Variants in CDKL4 observed in about 807,000 individuals in gnomAD.
The protein encoded by CDKL4 is cyclin dependent kinase like 4, also known as cyclin-dependent kinase-like 4.
In CDKL4, 44 loss-of-function variants were observed where a neutral mutation model predicts 42.0. That is an observed-to-expected ratio of 1.05 (90% CI 0.82 to 1.35). The LOEUF is 1.35. Ranked by LOEUF, CDKL4 falls within the 40% of genes most tolerant of loss-of-function variation. The pLI, the probability that CDKL4 is intolerant of heterozygous loss-of-function variation, is 0.00. For missense variants in CDKL4, 393 were observed against 369.9 expected (o/e 1.06, Z -0.51); for synonymous variants, 120 against 121.6 (o/e 0.99, Z 0.09).
intron 2 of CDKL4, among the ~76,000 whole-genome samples, chr2:39,228,774 T>C (rs1009305043): frequency 5.3e-5 from 8 of 152,242 alleles, no homozygotes; most frequent in African/African-American, 1.9e-4. Context: ...CGGTCGCTTA[T>C]AGATCTAAAA....
intron 7 of CDKL4, among the ~76,000 whole-genome samples, chr2:39,185,618 C>A (rs1474830983): frequency 1.3e-5 from 2 of 150,930 alleles, no homozygotes; most frequent in African/African-American, 2.4e-5. Context: ...GCCCACCACA[C>A]GCCCGGCTAA....
chr2:39,212,630 C>T (rs538274263), intron 4 of CDKL4, among the ~76,000 whole-genome samples: 44 of 151,912 alleles, frequency 2.9e-4, no homozygotes, highest in African/African-American at 1.0e-3. Context: ...AAAAAAGTAC[C>T]ATGGGGGATT....
chr2:39,229,677 G>C (rs978764238), intron 1 of CDKL4, 89 bp from the exon 2 acceptor site: 1 of 516,700 alleles, frequency 1.9e-6, no homozygotes, highest in African/African-American at 2.0e-5. Flanking sequence ...ACATGCCAAA[G>C]GTTTATATTC....
At chr2:39,198,008 A>T (rs1466031572) in intron 5 of CDKL4, among the ~76,000 whole-genome samples, 1 of 152,164 alleles carries the variant, frequency 6.6e-6, no homozygotes, top group Non-Finnish European at 1.5e-5. Flanking sequence ...TTGGATGTAA[A>T]TGGCTTAAAT....
chr2:39,245,494 G>GAC (rs1679875104), upstream of CDKL4, among the ~76,000 whole-genome samples: 2 of 152,178 alleles, frequency 1.3e-5, no homozygotes, highest in African/African-American at 4.8e-5. Flanking sequence ...GTCAGTGACT[G>GAC]CAAGAACCCA....
At chr2:39,203,843 G>C in intron 5 of CDKL4, among the ~76,000 whole-genome samples, 1 of 152,156 alleles carries the variant, frequency 6.6e-6, no homozygotes, top group Non-Finnish European at 1.5e-5. Context: ...AGCAACCTCA[G>C]AAAGCCTTGA....
intron 5 of CDKL4, among the ~76,000 whole-genome samples, chr2:39,196,762 C>T (rs1038511841): frequency 2.6e-5 from 4 of 152,244 alleles, no homozygotes; most frequent in Middle Eastern, 3.4e-3. Context: ...TACGTGCTGC[C>T]ACGCCCGGCT....
Position 39,199,403 on chromosome 2 carries a change from T to A in CDKL4, c.454+5124A>T, listed in dbSNP as rs894176468. 3.3e-5 allele frequency among the ~76,000 whole-genome samples: 5 copies of A among 151,854 alleles called. 1 individual carries two copies. Among genetic ancestry groups the A allele is most frequent in the African/African-American group, 1.2e-4 (5 of 41,300 alleles). ...CAGAGAGATTCACAGCTAAATTCTA[T>A]CAGACATTCAAAGAAAAATTGGTAC... is the stretch of plus-strand genomic sequence containing the variant. On this transcript the variant is annotated intron_variant, in intron 5 of 9. Transcript: ENST00000451199.
At chr2:39,211,112 T>C (rs780602719) in intron 4 of CDKL4, among the ~76,000 whole-genome samples, 2 of 152,196 alleles carry the variant, frequency 1.3e-5, no homozygotes, top group African/African-American at 2.4e-5. Flanking sequence ...TATATTTTTT[T>C]AAAAGCTATC....
chr2:39,230,571 T>C (rs1679037213), intron 1 of CDKL4, among the ~76,000 whole-genome samples: 1 of 152,210 alleles, frequency 6.6e-6, no homozygotes, highest in Admixed American at 6.5e-5. Flanking sequence ...GTGACCGAAT[T>C]AAATATTACA....
the CDKL4 span, among the ~76,000 whole-genome samples, chr2:39,168,691 C>T: frequency 1.4e-3 from 209 of 144,190 alleles, 2 homozygotes; most frequent in African/African-American, 4.6e-3. Flanking sequence ...GCTGAGATAG[C>T]GCCATTGAAA....
intron 4 of CDKL4, among the ~76,000 whole-genome samples, chr2:39,207,466 G>C (rs1677273599): frequency 6.6e-6 from 1 of 152,052 alleles, no homozygotes; most frequent in Non-Finnish European, 1.5e-5. Context: ...AAGAAACTTA[G>C]ACTAACACTC....
chr2:39,244,674 G>A (rs1679832457), upstream of CDKL4, among the ~76,000 whole-genome samples: 1 of 152,242 alleles, frequency 6.6e-6, no homozygotes, highest in Non-Finnish European at 1.5e-5. Flanking sequence ...AACGGCGCGG[G>A]ACTGGCAGGC....
At chr2:39,225,854 T>G in exon 3 of CDKL4, 1 of 1,603,888 alleles carries the variant, frequency 6.2e-7, no homozygotes, top group Non-Finnish European at 8.5e-7. Context: ...TGGGTTTCTT[T>G]CCAGCTCATT....
intron 8 of CDKL4, among the ~76,000 whole-genome samples, chr2:39,181,465 C>G (rs952691066): frequency 2.0e-5 from 3 of 152,190 alleles, no homozygotes; most frequent in Non-Finnish European, 2.9e-5. Context: ...CCTGTGAACT[C>G]CAGACCTGCA....
At chr2:39,237,607 A>G (rs1004763595) in intron 1 of CDKL4, among the ~76,000 whole-genome samples, 7 of 152,346 alleles carry the variant, frequency 4.6e-5, no homozygotes, top group Admixed American at 3.9e-4. Context: ...TCTAACCCCA[A>G]TAGTTTGGGA....
chr2:39,215,315 T>G (rs537603514), intron 3 of CDKL4, among the ~76,000 whole-genome samples: 1 of 152,362 alleles, frequency 6.6e-6, no homozygotes, highest in South Asian at 2.1e-4. Context: ...TATGCCTTTA[T>G]TGCTTTTTAA....
intron 3 of CDKL4, among the ~76,000 whole-genome samples, chr2:39,219,381 G>A (rs902822537): frequency 6.6e-6 from 1 of 151,674 alleles, no homozygotes; most frequent in Non-Finnish European, 1.5e-5. Context: ...CTGGCAGATG[G>A]CCACTCAGTA....
upstream of CDKL4, among the ~76,000 whole-genome samples, chr2:39,246,373 A>G (rs1251591695): frequency 6.6e-6 from 1 of 152,252 alleles, no homozygotes; most frequent in Admixed American, 6.5e-5. Context: ...ATGCTATAGA[A>G]AAATTTCTCA....
Sources: allele counts gnomAD v4.1 joint callset (sites outside exome capture counted in the v4.1 genomes callset), GRCh38; gene constraint gnomAD v4.1.1; transcripts MANE v1.5; gene names NCBI Gene and HGNC (gene_info 2026-07-23, HGNC 2026-07-21).